Variants in DLG2 observed in about 807,000 individuals in gnomAD.
The protein encoded by DLG2 is discs large MAGUK scaffold protein 2.
A neutral mutation model predicts 132.5 loss-of-function variants in DLG2; 45 were observed. The observed-to-expected ratio is 0.34, with a 90% CI of 0.27 to 0.44. The LOEUF (loss-of-function observed/expected upper bound fraction) is 0.44, where lower values mean the gene tolerates loss of function less well. Ranked by LOEUF, DLG2 falls within the 20% of genes least tolerant of loss-of-function variation. The probability of loss-of-function intolerance (pLI) is 1.00; values close to 1 mark genes in which losing one functional copy is unlikely to be tolerated. For missense variants in DLG2, 1,045 were observed against 1,196.9 expected (o/e 0.87, Z 1.87); for synonymous variants, 424 against 419.6 (o/e 1.01, Z -0.13).
At chr11:84,584,968 G>A (rs898169854) in intron 6 of DLG2, among the ~76,000 whole-genome samples, 5 of 152,038 alleles carry the variant, frequency 3.3e-5, no homozygotes, top group South Asian at 2.1e-4. Context: ...GATTACAGGC[G>A]TGAGCCACCG....
intron 3 of DLG2, among the ~76,000 whole-genome samples, chr11:85,471,837 T>C (rs2092993574): frequency 1.3e-5 from 2 of 152,114 alleles, no homozygotes; most frequent in Non-Finnish European, 2.9e-5. Context: ...ATTTTTTTCA[T>C]GTTGACTAGC....
At chr11:84,319,179 A>G (rs115503320) in intron 7 of DLG2, among the ~76,000 whole-genome samples, 2,963 of 152,182 alleles carry the variant, frequency 0.019, 96 homozygotes, top group African/African-American at 0.067. Flanking sequence ...AGTGACGAAA[A>G]GGGAGAAAAT....
At chr11:83,522,814 C>G (rs28617697) in intron 21 of DLG2, among the ~76,000 whole-genome samples, 7,205 of 94,070 alleles carry the variant, frequency 0.077, 209 homozygotes, top group Middle Eastern at 0.16. Context: ...GCCCCCCCCC[C>G]CTTTTTTTTT....
chr11:85,347,420 G>A (rs974365071), intron 3 of DLG2, among the ~76,000 whole-genome samples: 4 of 152,084 alleles, frequency 2.6e-5, no homozygotes, highest in African/African-American at 9.7e-5. Flanking sequence ...GGACTTTTTA[G>A]CAAGACAATG....
chr11:84,309,413 G>A (rs1254182789), intron 7 of DLG2, among the ~76,000 whole-genome samples: 2 of 152,100 alleles, frequency 1.3e-5, no homozygotes, highest in African/African-American at 4.8e-5. Flanking sequence ...GGAGAGGGAG[G>A]GCAACTTATA....
intron 6 of DLG2, among the ~76,000 whole-genome samples, chr11:85,063,165 C>T (rs896326009): frequency 2.0e-5 from 3 of 151,836 alleles, no homozygotes; most frequent in African/African-American, 7.2e-5. Context: ...GGCTTACCAT[C>T]TCTTGGAAGT....
intron 2 of DLG2, among the ~76,000 whole-genome samples, chr11:85,599,315 C>T (rs2079990911): frequency 1.3e-5 from 2 of 151,980 alleles, no homozygotes; most frequent in African/African-American, 4.8e-5. Flanking sequence ...CACGCATGCA[C>T]GTGCACACTT....
At chr11:83,500,867 C>G (rs538977467) in intron 21 of DLG2, among the ~76,000 whole-genome samples, 1 of 152,016 alleles carries the variant, frequency 6.6e-6, no homozygotes, top group Non-Finnish European at 1.5e-5. Context: ...CCAATTTGTG[C>G]ATCATTCTGT....
chr11:83,557,942 C>A (rs2096547622), intron 19 of DLG2, among the ~76,000 whole-genome samples: 1 of 152,012 alleles, frequency 6.6e-6, no homozygotes, highest in Non-Finnish European at 1.5e-5. Flanking sequence ...CCACAAGGGG[C>A]CTTTTTCAAT....
chr11:84,196,849 A>T (rs2096525683), intron 8 of DLG2, among the ~76,000 whole-genome samples: 2 of 151,874 alleles, frequency 1.3e-5, no homozygotes, highest in Admixed American at 1.3e-4. Context: ...AGATCAGCCT[A>T]GTCAACAAGG....
In DLG2 at chr11:83,541,729, C is replaced by T. The variant is rs2096072376; in HGVS notation, c.2070G>A (p.Met690Ile). 1 of 1,612,908 alleles carries T rather than the reference C, an allele frequency of 6.2e-7. No individual in the cohort carries two copies. Among genetic ancestry groups the T allele is most frequent in the East Asian group, 2.2e-5 (1 of 44,784 alleles). ...CCATCTCCTCACTGTCTCCCTCCAG[C>T]ATGACTCTCCTGGCTTGCCACCACT... ...DDEWWQARRVMLEGDSEEMGV... is the reference protein window; with the variant it reads ...DDEWWQARRVILEGDSEEMGV... Residue 690 changes from methionine (M) to isoleucine (I), a missense_variant, in exon 20 of 28, where the codon ATG (methionine) becomes ATA (isoleucine). By Grantham distance (10) the Met-to-Ile change is conservative. Transcript: ENST00000376104.
intron 3 of DLG2, among the ~76,000 whole-genome samples, chr11:85,479,314 T>C (rs188129907): frequency 9.2e-4 from 140 of 152,326 alleles, no homozygotes; most frequent in African/African-American, 3.2e-3. Flanking sequence ...AAGACAGCTG[T>C]CTTTTCCCTA....
At chr11:84,299,753 C>G (rs1599380654) in intron 7 of DLG2, among the ~76,000 whole-genome samples, 1 of 152,188 alleles carries the variant, frequency 6.6e-6, no homozygotes, top group South Asian at 2.1e-4. Context: ...TCAAAAGAAT[C>G]TCTTTCCTCA....
intron 6 of DLG2, among the ~76,000 whole-genome samples, chr11:85,087,618 C>T (rs929651678): frequency 6.6e-5 from 10 of 151,042 alleles, no homozygotes; most frequent in Middle Eastern, 3.2e-3. Flanking sequence ...GCGGGTGGAT[C>T]ATGAGGTCAG....
chr11:83,913,529 A>G lies in DLG2; in HGVS notation c.1496+16799T>C, dbSNP rs756393048. Among the ~76,000 whole-genome samples, 10 of 152,200 alleles carry G rather than the reference A, an allele frequency of 6.6e-5. No individual in the cohort carries two copies. The Middle Eastern group carries it at 0.014, about 207-fold the overall frequency. On this transcript the variant is annotated intron_variant, in intron 15 of 27. Transcript: ENST00000376104. ...AAGTAATTAATAATAATAATAATGT[A>G]GGCTAATTTCTATAACTTTGGAAGG...
At chr11:85,504,558 T>A (rs1334483506) in intron 3 of DLG2, among the ~76,000 whole-genome samples, 2 of 152,204 alleles carry the variant, frequency 1.3e-5, no homozygotes, top group African/African-American at 4.8e-5. Flanking sequence ...CTCTGTTCTG[T>A]TCCATTGGTC....
chr11:84,964,720 T>C (rs779269129), intron 6 of DLG2, among the ~76,000 whole-genome samples: 12 of 152,130 alleles, frequency 7.9e-5, no homozygotes, highest in Non-Finnish European at 1.8e-4. Context: ...ACACAGTTTA[T>C]GTGGGGTAAG....
intron 6 of DLG2, among the ~76,000 whole-genome samples, chr11:84,898,676 C>T (rs915517884): frequency 3.3e-5 from 5 of 151,776 alleles, no homozygotes; most frequent in African/African-American, 1.2e-4. Context: ...TACCAAGATC[C>T]TCTCTCCCCT....
intron 7 of DLG2, among the ~76,000 whole-genome samples, chr11:84,396,741 T>C (rs920711640): frequency 5.3e-5 from 8 of 152,182 alleles, no homozygotes; most frequent in Non-Finnish European, 1.2e-4. Context: ...CTTAATACCA[T>C]TGGGAAAATA....
Sources: allele counts gnomAD v4.1 joint callset (sites outside exome capture counted in the v4.1 genomes callset), GRCh38; gene constraint gnomAD v4.1.1; transcripts MANE v1.5; gene names NCBI Gene and HGNC (gene_info 2026-07-23, HGNC 2026-07-21).